Variants in CSNK2A1 observed in about 807,000 individuals in gnomAD.
CSNK2A1 encodes the protein casein kinase 2 alpha 1.
In CSNK2A1, 10 loss-of-function variants were observed where a neutral mutation model predicts 62.9. The ratio of observed to expected loss-of-function variants is 0.16; its 90% CI spans 0.10 to 0.27. The LOEUF (loss-of-function observed/expected upper bound fraction) is 0.27, where lower values mean the gene tolerates loss of function less well. Ranked by LOEUF, CSNK2A1 falls within the 10% of genes least tolerant of loss-of-function variation. CSNK2A1 has a pLI of 1.00. For missense variants in CSNK2A1, 160 were observed against 492.0 expected (o/e 0.33, Z 6.38); for synonymous variants, 124 against 167.8 (o/e 0.74, Z 2.02).
At chr20:511,282 G>A (rs533941238) in intron 2 of CSNK2A1, among the ~76,000 whole-genome samples, 1 of 152,226 alleles carries the variant, frequency 6.6e-6, no homozygotes, top group African/African-American at 2.4e-5. Flanking sequence ...CGAGGCTACA[G>A]TGAGCTGTGA....
At chr20:532,233 C>G (rs572476267) in intron 1 of CSNK2A1, among the ~76,000 whole-genome samples, 2 of 151,742 alleles carry the variant, frequency 1.3e-5, no homozygotes, top group South Asian at 4.2e-4. Context: ...GGCACGCTCT[C>G]GGCTTACTGC....
At chr20:488,806 T>C (rs2018155282) in intron 10 of CSNK2A1, 28 bp from the exon 11 acceptor site, 1 of 1,563,080 alleles carries the variant, frequency 6.4e-7, no homozygotes, top group Non-Finnish European at 8.7e-7. Context: ...CAAAAACCCA[T>C]ATCACAAGCA....
chr20:518,923 G>A (rs971419981), intron 2 of CSNK2A1, among the ~76,000 whole-genome samples: 5 of 145,676 alleles, frequency 3.4e-5, no homozygotes, highest in African/African-American at 7.7e-5. Context: ...TAGTGAAATC[G>A]TTGGATATAC....
rs1426362974 is a variant in CSNK2A1 at position 489,705 on chromosome 20, A to T, written c.723+75T>A. The T allele has an allele frequency of 2.4e-6, 3 of 1,242,140 alleles. No individual in the cohort carries two copies. In the African/African-American group the frequency reaches 4.5e-5, roughly 19 times the overall value. 76.9% of individuals were successfully genotyped at this position (1,242,140 alleles called of 1,614,324 possible). A position where few individuals can be genotyped will look rare whatever the true frequency, so the allele number is the denominator to read the frequency against. On this transcript the variant is annotated intron_variant, in intron 10 of 13. Coordinates refer to ENST00000217244, the MANE Select transcript of CSNK2A1 (RefSeq NM_177559.3). The stretch of plus-strand genomic sequence containing the variant: ...ATCGGGGTGGCTGAATAAACAGTGA[A>T]CTGAAAGTTACAGGCAGTGCTGGCT...
intron 1 of CSNK2A1, among the ~76,000 whole-genome samples, chr20:537,468 A>G (rs1431437233): frequency 6.6e-6 from 1 of 152,024 alleles, no homozygotes; most frequent in East Asian, 1.9e-4. Flanking sequence ...AAACTTTTTA[A>G]AAGACTCAAT....
Position 487,357 on chromosome 20 carries a change from T to C in CSNK2A1, c.973+70A>G, listed in dbSNP as rs6116240. 123,003 of 1,591,392 alleles carry C rather than the reference T, an allele frequency of 0.077. 5,449 individuals carry two copies. Among genetic ancestry groups the C allele is most frequent in the African/African-American group, 0.16 (11,612 of 74,406 alleles). Reference sequence around the variant, plus strand: ...AACTTTGCAGCAAGCTGACAGGAGCTGGGATTACGACTCTGTTCTATAGGA... The same window carrying C: ...AACTTTGCAGCAAGCTGACAGGAGCCGGGATTACGACTCTGTTCTATAGGA... On this transcript the variant is annotated intron_variant, in intron 12 of 13. Transcript: ENST00000217244.
chr20:526,728 G>C (rs977667469), intron 2 of CSNK2A1: 2 of 152,020 alleles, frequency 1.3e-5, no homozygotes, highest in African/African-American at 4.8e-5. Context: ...GGCTGAAGCA[G>C]GCGGATCACA....
intron 2 of CSNK2A1, among the ~76,000 whole-genome samples, chr20:524,644 C>A (rs1304915519): frequency 2.9e-5 from 4 of 138,472 alleles, no homozygotes; most frequent in Non-Finnish European, 4.5e-5. Flanking sequence ...GCTGGAGAAT[C>A]GCTTGAACCT....
chr20:491,285 T>G (rs561778854), intron 9 of CSNK2A1, among the ~76,000 whole-genome samples: 22 of 152,320 alleles, frequency 1.4e-4, no homozygotes, highest in African/African-American at 5.3e-4. Flanking sequence ...GAAGGCTTTT[T>G]GGGGGAGCTG....
At position 519,823 on chromosome 20, in the gene CSNK2A1, C is replaced by T. The variant is rs543793054; in HGVS notation, c.-110+8110G>A. On this transcript the variant is annotated intron_variant, in intron 2 of 13. Transcript: ENST00000217244. ...AGGAAAATTTACAGACAGCTCCAAA[C>T]AAACACTGATTATACAAAAGAATAA... 4.1e-4 allele frequency among the ~76,000 whole-genome samples: 63 copies of T among 152,170 alleles called. No individual in the cohort carries two copies. In the South Asian group the frequency reaches 0.013, roughly 31 times the overall value.
At position 474,772 on chromosome 20, in the gene CSNK2A1, A is replaced by G. The variant is rs998016435; in HGVS notation, c.*9189T>C. ...CTCTTTCCATTGTCATCATACTGTAATCCTGGTTAGACCAGTATTCAGTGT... is the reference window on the plus strand; with the variant it reads ...CTCTTTCCATTGTCATCATACTGTAGTCCTGGTTAGACCAGTATTCAGTGT... On this transcript the variant is annotated 3_prime_UTR_variant, in exon 14 of 14. Transcript: ENST00000217244. The G allele has an allele frequency of 1.3e-5, 2 of 152,178 alleles. No homozygotes were observed. Among genetic ancestry groups the G allele is most frequent in the Admixed American group, 6.5e-5 (1 of 15,272 alleles). 9.4% of individuals were successfully genotyped at this position (152,178 alleles called of 1,614,324 possible).
chr20:472,846 C>G lies in CSNK2A1; in HGVS notation c.*11115G>C, dbSNP rs555666997. ...GCTTTTGCAAAACCTCTCGGCCTTCCAAGAAGGTTTGTGTCTTTCCTATAA... is the reference window on the plus strand; with the variant it reads ...GCTTTTGCAAAACCTCTCGGCCTTCGAAGAAGGTTTGTGTCTTTCCTATAA... On this transcript the variant is annotated 3_prime_UTR_variant, in exon 14 of 14. Coordinates refer to ENST00000217244, the MANE Select transcript of CSNK2A1 (RefSeq NM_177559.3). The G allele has an allele frequency of 5.3e-5, 8 of 152,278 alleles. No homozygotes were observed. The East Asian group carries it at 1.4e-3, about 26-fold the overall frequency. 9.4% of individuals were successfully genotyped at this position (152,278 alleles called of 1,614,324 possible). A position where few individuals can be genotyped will look rare whatever the true frequency, so the allele number is the denominator to read the frequency against.
At chr20:494,715 G>A (rs2018309654) in intron 8 of CSNK2A1, 1 of 152,192 alleles carries the variant, frequency 6.6e-6, no homozygotes, top group African/African-American at 2.4e-5. Flanking sequence ...GGTTTTACAT[G>A]ATTTGGTTTT....
chr20:497,841 C>T (rs138425025), intron 6 of CSNK2A1, 61 bp from the exon 7 acceptor site: 4 of 1,478,012 alleles, frequency 2.7e-6, no homozygotes, highest in East Asian at 4.5e-5. Context: ...TTTTCACCCT[C>T]ACTCACAGTA....
intron 4 of CSNK2A1, chr20:501,485 C>T (rs1324545601): frequency 6.6e-6 from 1 of 152,096 alleles, no homozygotes; most frequent in Non-Finnish European, 1.5e-5. Flanking sequence ...TTAAAAAGGA[C>T]AAAATTAATG....
chr20:508,432 A>G lies in CSNK2A1; in HGVS notation c.101+19T>C. On this transcript the variant is annotated intron_variant, in intron 3 of 13. Coordinates refer to ENST00000217244, the MANE Select transcript of CSNK2A1 (RefSeq NM_177559.3). ...TCAGCCCTTTGAGTGAGTATAATGAAGTCAACAAAAACAATTACCCCCATT... is the reference window on the plus strand; with the variant it reads ...TCAGCCCTTTGAGTGAGTATAATGAGGTCAACAAAAACAATTACCCCCATT... 2 of 1,613,414 alleles carry G rather than the reference A, an allele frequency of 1.2e-6. No homozygotes were observed. Among genetic ancestry groups the G allele is most frequent in the Non-Finnish European group, 1.7e-6 (2 of 1,179,540 alleles).
Position 493,651 on chromosome 20 carries a change from G to A in CSNK2A1, c.511-1287C>T, listed in dbSNP as rs139660532. On this transcript the variant is annotated intron_variant, in intron 8 of 13. Transcript: ENST00000217244. ...GAAAGATCTTATTCAGGTTTCACCAGTTTTACATGCACGCATGTGTTTGTG... is the reference window on the plus strand; with the variant it reads ...GAAAGATCTTATTCAGGTTTCACCAATTTTACATGCACGCATGTGTTTGTG... 2.7e-3 allele frequency among the ~76,000 whole-genome samples: 408 copies of A among 152,288 alleles called. 4 individuals carry two copies. Among genetic ancestry groups the A allele is most frequent in the African/African-American group, 9.5e-3 (395 of 41,570 alleles).
At chr20:500,210 A>C in intron 4 of CSNK2A1, 1 of 358,926 alleles carries the variant, frequency 2.8e-6, no homozygotes, top group Non-Finnish European at 5.1e-6. Context: ...CTTGATGTTA[A>C]TGTTTTAAAA....
intron 1 of CSNK2A1, among the ~76,000 whole-genome samples, chr20:528,587 ATTTTTTCTT>A (rs1416739314): frequency 1.4e-5 from 2 of 146,978 alleles, no homozygotes; most frequent in African/African-American, 2.7e-5. Context: ...TGCTAATTAA[ATTTTTTCTT>A]TTTTTTCTTT....
Sources: gnomAD v4.1 joint callset for allele counts (sites outside exome capture counted in the v4.1 genomes callset) on GRCh38, gnomAD v4.1.1 for gene constraint, MANE v1.5 for transcripts, NCBI Gene and HGNC (gene_info 2026-07-23, HGNC 2026-07-21) for gene names.